Variants in MAP4K2 observed in about 807,000 individuals in gnomAD.
MAP4K2 encodes the protein mitogen-activated protein kinase kinase kinase kinase 2, also known as B lymphocyte serine/threonine protein kinase.
MAP4K2 carries 85 observed loss-of-function variants against 125.3 expected under a neutral mutation model. The ratio of observed to expected loss-of-function variants is 0.68; its 90% confidence interval spans 0.57 to 0.81. MAP4K2 has a LOEUF of 0.81. Ranked by LOEUF, MAP4K2 falls within the 40% of genes least tolerant of loss-of-function variation. MAP4K2 has a pLI of 0.00. For synonymous variants in MAP4K2, 479 were observed against 445.1 expected, an observed-to-expected ratio of 1.08 and a Z score of -0.96; for missense variants, 923 against 1,056.4, an observed-to-expected ratio of 0.87 and a Z score of 1.75.
At position 64,802,406 on chromosome 11, in the gene MAP4K2, G is replaced by A. The variant is rs1941262024; in HGVS notation, c.310+13C>T. On this transcript the variant is annotated intron_variant, in intron 4 of 31. Transcript: ENST00000294066. ...AGGCTGGGGCCTGCTGGGGCCTGGA[G>A]CCCTGGCCTCACCATGGTAAATCTC... is the stretch of plus-strand genomic sequence containing the variant. 2.7e-6 allele frequency: 4 copies of A among 1,489,668 alleles called. No homozygotes were observed. The highest frequency in any genetic ancestry group is 3.6e-6 in the Non-Finnish European group (4 of 1,119,534). The allele number at this position is 1,489,668 out of a possible 1,614,324, so 92.3% of individuals were successfully genotyped here. A position where few individuals can be genotyped will look rare whatever the true frequency, so the allele number is the denominator to read the frequency against.
In MAP4K2 at chr11:64,797,063, G is replaced by A. The variant is rs749711058; in HGVS notation, c.1366-40C>T. ...AGGAGTCAGGGCTGATATGACAGCT[G>A]TAGCCGCCCGTCTCCCCACCCCACT... On this transcript the variant is annotated intron_variant, in intron 19 of 31. Coordinates refer to ENST00000294066, the MANE Select transcript of MAP4K2 (RefSeq NM_004579.5). 3 of 1,614,074 alleles carry A rather than the reference G, an allele frequency of 1.9e-6. 1 individual carries two copies. The South Asian group carries it at 3.3e-5, about 18-fold the overall frequency.
intron 24 of MAP4K2, among the ~76,000 whole-genome samples, chr11:64,793,480 C>A (rs1172994327): frequency 6.6e-6 from 1 of 152,162 alleles, no homozygotes; most frequent in Non-Finnish European, 1.5e-5. Flanking sequence ...ATCAGAGGGG[C>A]CGTTGCCTTG....
In MAP4K2 at chr11:64,790,055, C is replaced by T. The variant is rs1304588808; in HGVS notation, c.2249-96G>A. 5.2e-6 allele frequency: 8 copies of T among 1,545,502 alleles called. No individual in the cohort carries two copies. In the Admixed American group the frequency reaches 8.8e-5, roughly 17 times the overall value. ...CTGGGCCACAGGGGTCCTCACTGAC[C>T]TCAGGTGACCAGGATGGCTCAGGAG... is the stretch of plus-strand genomic sequence containing the variant. On this transcript the variant is annotated intron_variant, in intron 29 of 31. Transcript: ENST00000294066.
Position 64,802,399 on chromosome 11 carries a change from G to A in MAP4K2, c.310+20C>T, listed in dbSNP as rs1481835512. 1 of 1,489,050 alleles carries A rather than the reference G, an allele frequency of 6.7e-7. No individual in the cohort carries two copies. Among genetic ancestry groups the A allele is most frequent in the South Asian group, 1.4e-5 (1 of 73,136 alleles). 92.2% of individuals were successfully genotyped at this position (1,489,050 alleles called of 1,614,324 possible). A position where few individuals can be genotyped will look rare whatever the true frequency, so the allele number is the denominator to read the frequency against. ...TGGGGGAAGGCTGGGGCCTGCTGGG[G>A]CCTGGAGCCCTGGCCTCACCATGGT... On this transcript the variant is annotated intron_variant, in intron 4 of 31. Coordinates refer to ENST00000294066, the MANE Select transcript of MAP4K2 (RefSeq NM_004579.5).
At chr11:64,798,491 G>A (rs548196612) in intron 15 of MAP4K2, among the ~76,000 whole-genome samples, 1 of 151,952 alleles carries the variant, frequency 6.6e-6, no homozygotes, top group South Asian at 2.1e-4. Flanking sequence ...GTAGAGATGG[G>A]GTTTCACCAT....
chr11:64,802,791 CA>C, intron 2 of MAP4K2, 93 bp downstream of exon 2: 1 of 1,492,928 alleles, frequency 6.7e-7, no homozygotes, highest in South Asian at 1.2e-5. Context: ...GCACGCCTCT[CA>C]GGGGTCTCGG....
At position 64,801,119 on chromosome 11, in the gene MAP4K2, A is replaced by G. The variant is rs1565625300; in HGVS notation, c.522T>C (p.Thr174=). ...SVAKRRSFIG[T]PYWMAPEVAA... ...CCCAGGCGCAGCCTCACCAGTAGGG[A>G]GTCCCAATGAAAGACCTCCTCTTGG... is the stretch of plus-strand genomic sequence containing the variant. Residue 174 remains threonine, a synonymous_variant, in exon 8 of 32, where the codon ACT becomes ACC. Coordinates refer to ENST00000294066, the MANE Select transcript of MAP4K2 (RefSeq NM_004579.5). 2.5e-6 allele frequency: 4 copies of G among 1,613,530 alleles called. No individual in the cohort carries two copies. Among genetic ancestry groups the G allele is most frequent in the Non-Finnish European group, 3.4e-6 (4 of 1,179,958 alleles).
rs547424572 is a variant in MAP4K2 at position 64,788,331 on chromosome 11, C to T, written c.*1206G>A. ...CCTTCCCAGCCCCCCAGCTGTGGGC[C>T]CTCAAGGCAGTTCCCATCCTGCCTC... On this transcript the variant is annotated 3_prime_UTR_variant, in exon 32 of 32. Transcript: ENST00000294066. 3 of 152,542 alleles carry T rather than the reference C, an allele frequency of 2.0e-5. No individual in the cohort carries two copies. The East Asian group carries it at 5.8e-4, about 29-fold the overall frequency. The allele number at this position is 152,542 out of a possible 1,614,324, so 9.4% of individuals were successfully genotyped here.
chr11:64,801,060 C>T lies in MAP4K2; in HGVS notation c.531-29G>A, dbSNP rs78593629. The T allele has an allele frequency of 3.1e-5, 50 of 1,613,734 alleles. No individual in the cohort carries two copies. The East Asian group carries it at 8.9e-4, about 29-fold the overall frequency. Reference sequence around the variant, plus strand: ...GAGGTGGGGTCACAGATGGGATGGCCGGGTGCCCTGCTCTGTGGCCCCTAC... The same window carrying T: ...GAGGTGGGGTCACAGATGGGATGGCTGGGTGCCCTGCTCTGTGGCCCCTAC... On this transcript the variant is annotated intron_variant, in intron 8 of 31. Coordinates refer to ENST00000294066, the MANE Select transcript of MAP4K2 (RefSeq NM_004579.5).
chr11:64,801,374 G>A (rs554407556), intron 7 of MAP4K2, among the ~76,000 whole-genome samples, 191 bp from the exon 8 acceptor site: 153 of 152,272 alleles, frequency 1.0e-3, no homozygotes, highest in Non-Finnish European at 2.0e-3. Flanking sequence ...TATCCCTGAC[G>A]GAGTGCCTGG....
chr11:64,789,526 G>A lies in MAP4K2; in HGVS notation c.*11C>T. On this transcript the variant is annotated 3_prime_UTR_variant, in exon 32 of 32. Coordinates refer to ENST00000294066, the MANE Select transcript of MAP4K2 (RefSeq NM_004579.5). ...GGTGGGGCGGGGAGCCCCTGGACAG[G>A]CCCGCTGCTCTTAGTAGGTGCTCTG... is the stretch of plus-strand genomic sequence containing the variant. 1 of 1,566,896 alleles carries A rather than the reference G, an allele frequency of 6.4e-7. No individual in the cohort carries two copies. The highest frequency in any genetic ancestry group is 8.7e-7 in the Non-Finnish European group (1 of 1,155,206).
At position 64,802,109 on chromosome 11, in the gene MAP4K2, A is replaced by G; in HGVS notation, c.323T>C (p.Leu108Pro). ...GACGTAGGCAATCTGCCGCTCCTCC[A>G]GGGGCCCAGTGGCTGAAAGGAAAAG... is the stretch of plus-strand genomic sequence containing the variant. ...LQEIYHATGP[L>P]EERQIAYVCR... The change falls in exon 5 of 32, where the codon CTG becomes CCG. Residue 108 changes from leucine (L) to proline (P), a missense_variant. Leu to Pro is a moderately conservative substitution (Grantham distance 98, BLOSUM62 -3). Around this residue, in one of 2 missense-constraint regions of MAP4K2, gnomAD observed 833 missense variants for 911.4 expected, o/e 0.91. Coordinates refer to ENST00000294066, the MANE Select transcript of MAP4K2 (RefSeq NM_004579.5). 1.2e-6 allele frequency: 2 copies of G among 1,612,994 alleles called. No individual in the cohort carries two copies. Among genetic ancestry groups the G allele is most frequent in the Non-Finnish European group, 1.7e-6 (2 of 1,179,922 alleles).
Position 64,801,150 on chromosome 11 carries a change from G to A in MAP4K2, c.491C>T (p.Ser164Phe). ...AATGAAAGACCTCCTCTTGGCCACA[G>A]ACGCTGTCAGCTCGCCTGACACCCC... ...DFGVSGELTA[S>F]VAKRRSFIGT... Residue 164 changes from serine to phenylalanine, a missense_variant, in exon 8 of 32, where the codon TCT becomes TTT. Ser to Phe is a radical substitution (Grantham distance 155). This residue lies in a region of MAP4K2 where 833 missense variants were observed against 911.4 expected (regional missense o/e 0.91). Coordinates refer to ENST00000294066, the MANE Select transcript of MAP4K2 (RefSeq NM_004579.5). 6.2e-7 allele frequency: 1 copy of A among 1,613,410 alleles called. No homozygotes were observed. The highest frequency in any genetic ancestry group is 8.5e-7 in the Non-Finnish European group (1 of 1,179,962).
Position 64,796,821 on chromosome 11 carries a change from G to A in MAP4K2, c.1480C>T (p.Pro494Ser). 1 of 1,613,734 alleles carries A rather than the reference G, an allele frequency of 6.2e-7. No individual in the cohort carries two copies. The highest frequency in any genetic ancestry group is 8.5e-7 in the Non-Finnish European group (1 of 1,180,028). Residue 494 changes from proline to serine, a missense_variant, in exon 21 of 32, where the codon CCT becomes TCT. Around this residue, in one of 2 missense-constraint regions of MAP4K2, gnomAD observed 833 missense variants for 911.4 expected, o/e 0.91. Transcript: ENST00000294066. ...RIHAAVTWIH[P>S]VTRDQFLVVG... is the part of the protein sequence containing the mutation. ...TGCCCCCACCTACCCCGAGTAACAG[G>A]GTGAATCCAGGTGACAGCAGCGTGG...
chr11:64,799,226 T>TA (rs1170427732), intron 14 of MAP4K2, among the ~76,000 whole-genome samples, 195 bp downstream of exon 14: 1 of 152,158 alleles, frequency 6.6e-6, no homozygotes, highest in African/African-American at 2.4e-5. Context: ...GACACCCACC[T>TA]AAAAGAACTT....
rs1941297565 is a variant in MAP4K2 at position 64,802,757 on chromosome 11, G to A, written c.155-104C>T. ...GAGTGCCTCCCTCCGGGCCAGGCAG[G>A]TGCAGGTGACAGCACCTCCCGGGGC... On this transcript the variant is annotated intron_variant, in intron 2 of 31. Coordinates refer to ENST00000294066, the MANE Select transcript of MAP4K2 (RefSeq NM_004579.5). 3 of 1,466,028 alleles carry A rather than the reference G, an allele frequency of 2.0e-6. No homozygotes were observed. In the African/African-American group the frequency reaches 4.2e-5, roughly 20 times the overall value. The allele number at this position is 1,466,028 out of a possible 1,614,324, so 90.8% of individuals were successfully genotyped here.
chr11:64,797,417 A>G (rs1340134223), intron 17 of MAP4K2, 37 bp from the exon 18 acceptor site: 4 of 1,559,286 alleles, frequency 2.6e-6, no homozygotes, highest in East Asian at 2.4e-5. Flanking sequence ...GGCCGTTACC[A>G]GGTTGCCCTG....
At chr11:64,798,901 CAA>C (rs1940990800) in intron 14 of MAP4K2, 64 bp from the exon 15 acceptor site, 2 of 1,373,804 alleles carry the variant, frequency 1.5e-6, no homozygotes, top group South Asian at 2.7e-5. Context: ...AGAGGGCGCT[CAA>C]GAGATTCAGG....
rs776652366 is a variant in MAP4K2 at position 64,798,787 on chromosome 11, CACTT to C, written c.1097+3_1097+6del. 2.5e-6 allele frequency: 4 copies of C among 1,612,582 alleles called. No individual in the cohort carries two copies. Among genetic ancestry groups the C allele is most frequent in the Non-Finnish European group, 2.5e-6 (3 of 1,179,268 alleles). On this transcript the variant is annotated splice_donor_5th_base_variant and intron_variant, in intron 15 of 31. Coordinates refer to ENST00000294066, the MANE Select transcript of MAP4K2 (RefSeq NM_004579.5). ...CACCCCCTGCAGCTTCCCCATACCT[CACTT>C]ACCCACTCAACTCTTCCTTTCCCAG...
Sources: allele counts gnomAD v4.1 joint callset (sites outside exome capture counted in the v4.1 genomes callset), GRCh38; gene constraint gnomAD v4.1.1; regional missense constraint gnomAD v4.1.1; transcripts MANE v1.5; gene names NCBI Gene and HGNC (gene_info 2026-07-23, HGNC 2026-07-21).